The following MROH9 variants were observed in gnomAD, a reference collection of about 807,000 sequenced individuals.
The protein encoded by MROH9 is maestro heat-like repeat-containing protein family member 9.
MROH9 carries 92 observed loss-of-function variants against 98.2 expected under a neutral mutation model. That is an observed-to-expected ratio of 0.94 (90% CI 0.79 to 1.11). The LOEUF (loss-of-function observed/expected upper bound fraction) is 1.11, where lower values mean the gene tolerates loss of function less well. Among genes scored for constraint, MROH9 ranks in the 50% most tolerant of loss-of-function variants. MROH9 has a pLI of 0.00. For synonymous variants in MROH9, 397 were observed against 368.9 expected (o/e 1.08, Z -0.87); for missense variants, 1,057 against 1,014.8 (o/e 1.04, Z -0.57).
chr1:171,005,756 C>T (rs974204327), intron 15 of MROH9, among the ~76,000 whole-genome samples: 8 of 152,084 alleles, frequency 5.3e-5, no homozygotes, highest in African/African-American at 1.9e-4. Flanking sequence ...ATTTGAATGA[C>T]TTGTGTTTCT....
chr1:170,976,764 T>G (rs934658350), intron 8 of MROH9, among the ~76,000 whole-genome samples: 1 of 152,168 alleles, frequency 6.6e-6, no homozygotes, highest in African/African-American at 2.4e-5. Context: ...TTTCCTGAAT[T>G]TGACTGTTGA....
At chr1:171,011,383 T>C (rs1652151002) in intron 15 of MROH9, among the ~76,000 whole-genome samples, 1 of 152,236 alleles carries the variant, frequency 6.6e-6, no homozygotes. Flanking sequence ...TACATTTTTA[T>C]GTGTGGTTAT....
chr1:171,047,442 C>T (rs1653504632), intron 20 of MROH9, among the ~76,000 whole-genome samples: 1 of 152,120 alleles, frequency 6.6e-6, no homozygotes, highest in Non-Finnish European at 1.5e-5. Context: ...TATTAAAGTA[C>T]TCTGATGCAT....
chr1:171,007,095 C>G (rs969991473), intron 15 of MROH9, among the ~76,000 whole-genome samples: 2 of 152,218 alleles, frequency 1.3e-5, no homozygotes, highest in Admixed American at 1.3e-4. Context: ...CCTCTTCCCA[C>G]TTTTACAGAC....
intron 14 of MROH9, among the ~76,000 whole-genome samples, 178 bp downstream of exon 14, chr1:170,996,822 G>T (rs1319508972): frequency 6.6e-6 from 1 of 151,992 alleles, no homozygotes; most frequent in Non-Finnish European, 1.5e-5. Flanking sequence ...TTTTATTTGT[G>T]ATTTTTTTTC....
At chr1:170,968,931 T>C (rs1010864372) in intron 7 of MROH9, among the ~76,000 whole-genome samples, 1 of 152,136 alleles carries the variant, frequency 6.6e-6, no homozygotes, top group Non-Finnish European at 1.5e-5. Flanking sequence ...TTAGAATTAA[T>C]CTATAAACCC....
chr1:171,018,008 T>TC (rs1261469146), intron 17 of MROH9, among the ~76,000 whole-genome samples: 1 of 151,930 alleles, frequency 6.6e-6, no homozygotes, highest in Non-Finnish European at 1.5e-5. Flanking sequence ...AAGTGGGCTT[T>TC]CCCCCCAGCA....
rs1232475245 is a variant in MROH9, at chr1:170,971,891, C to G, written c.616+8C>G. ...TTGCACGGTGTCAGAACGGTAAGAA[C>G]AGTTCACCATCTTTTCTCAGGATTA... On this transcript the variant is annotated splice_region_variant and intron_variant, in intron 8 of 21. Coordinates refer to ENST00000367759, the MANE Select transcript of MROH9 (RefSeq NM_001163629.2). 7 of 1,613,112 alleles carry G rather than the reference C, an allele frequency of 4.3e-6. No homozygotes were observed. In the South Asian group the frequency reaches 4.4e-5, roughly 10 times the overall value.
At chr1:170,958,429 C>CTTCTTTTT in intron 3 of MROH9, 32 bp from the exon 4 acceptor site, 1 of 990,476 alleles carries the variant, frequency 1.0e-6, no homozygotes, top group Non-Finnish European at 1.4e-6. Flanking sequence ...ATTAATTCTT[C>CTTCTTTTT]TTTTTTTTTT....
chr1:171,020,239 A>C (rs1652473823), intron 17 of MROH9, among the ~76,000 whole-genome samples: 1 of 152,234 alleles, frequency 6.6e-6, no homozygotes, highest in African/African-American at 2.4e-5. Flanking sequence ...ATTGAAAAGG[A>C]GGGACTTCTC....
chr1:171,003,141 A>T (rs1651837622), intron 15 of MROH9, among the ~76,000 whole-genome samples: 3 of 150,604 alleles, frequency 2.0e-5, no homozygotes, highest in South Asian at 2.1e-4. Flanking sequence ...TTTTCTCTTC[A>T]CTTCTTGTAT....
At chr1:171,048,616 A>C (rs1294406999) in intron 20 of MROH9, among the ~76,000 whole-genome samples, 1 of 152,134 alleles carries the variant, frequency 6.6e-6, no homozygotes, top group Non-Finnish European at 1.5e-5. Flanking sequence ...CCAGGATCCC[A>C]AGAGCCCACT....
At chr1:170,957,678 C>A (rs61815218) in intron 3 of MROH9, among the ~76,000 whole-genome samples, 12,122 of 152,114 alleles carry the variant, frequency 0.08, 619 homozygotes, top group Non-Finnish European at 0.11. Context: ...AAGAATGATA[C>A]ATTCTTAGTG....
intron 20 of MROH9, among the ~76,000 whole-genome samples, chr1:171,032,825 C>T (rs376427127): frequency 1.3e-5 from 2 of 152,168 alleles, no homozygotes; most frequent in South Asian, 4.1e-4. Flanking sequence ...CCACACCAGG[C>T]GGGAAACCCA....
rs146036067 is a variant in MROH9 at position 171,032,982 on chromosome 1, G to A, written c.2281+7562G>A. ...CCTGAGCCCCTGGCTGGAGTTATTG[G>A]AGTTCCTGCAGGGAAGCCCCACCCA... On this transcript the variant is annotated intron_variant, in intron 20 of 21. Coordinates refer to ENST00000367759, the MANE Select transcript of MROH9 (RefSeq NM_001163629.2). Among the ~76,000 whole-genome samples, 709 of 152,320 alleles carry A rather than the reference G, an allele frequency of 4.7e-3. 5 individuals are homozygous for A. The highest frequency in any genetic ancestry group is 7.6e-3 in the Non-Finnish European group (517 of 68,020).
chr1:170,971,811 G>T lies in MROH9; in HGVS notation c.544G>T (p.Glu182Ter). ...AAELSLLCSH[E>*]DPSIVKQASL... ...AGAGCTGTCTCTTTTGTGTTCCCAT[G>T]AAGATCCCTCGATTGTAAAACAAGC... The change falls in exon 8 of 22, where the codon GAA becomes TAA. Residue 182 changes from glutamate to a stop codon, truncating the protein, a stop_gained. Transcript: ENST00000367759. LOFTEE classifies it high-confidence loss of function. The T allele has an allele frequency of 6.2e-7, 1 of 1,614,064 alleles. No individual in the cohort carries two copies. The highest frequency in any genetic ancestry group is 8.5e-7 in the Non-Finnish European group (1 of 1,179,926).
intron 2 of MROH9, among the ~76,000 whole-genome samples, chr1:170,946,169 A>G (rs1409425441): frequency 1.3e-5 from 2 of 152,062 alleles, no homozygotes; most frequent in Non-Finnish European, 1.5e-5. Context: ...AGGAAAAGAA[A>G]AATAGTAGGA....
intron 12 of MROH9, among the ~76,000 whole-genome samples, chr1:170,993,045 C>T (rs1651417653): frequency 7.2e-6 from 1 of 138,822 alleles, no homozygotes; most frequent in Non-Finnish European, 1.7e-5. Flanking sequence ...TTCTACGATG[C>T]CAATTACAAT....
At chr1:171,004,961 A>T (rs1030256294) in intron 15 of MROH9, among the ~76,000 whole-genome samples, 2 of 150,074 alleles carry the variant, frequency 1.3e-5, no homozygotes, top group Non-Finnish European at 2.9e-5. Flanking sequence ...TGGGGTGTTT[A>T]TTGGTCTCAC....
Sources: gnomAD v4.1 joint callset for allele counts (sites outside exome capture counted in the v4.1 genomes callset) on GRCh38, gnomAD v4.1.1 for gene constraint, MANE v1.5 for transcripts, NCBI Gene and HGNC (gene_info 2026-07-23, HGNC 2026-07-21) for gene names.